The following MTUS2 variants were observed in gnomAD, a reference collection of about 807,000 sequenced individuals.
The protein encoded by MTUS2 is microtubule associated scaffold protein 2, also known as microtubule-associated tumor suppressor candidate 2.
In MTUS2, 40 loss-of-function variants were observed where a neutral mutation model predicts 114.1. The observed-to-expected ratio is 0.35, with a 90% CI of 0.27 to 0.46. The LOEUF (loss-of-function observed/expected upper bound fraction) is 0.46. MTUS2 is among the 20% of genes least tolerant of loss of function. MTUS2 has a pLI of 1.00. For synonymous variants in MTUS2, 688 were observed against 672.0 expected (o/e 1.02, Z -0.37); for missense variants, 1,679 against 1,705.4 (o/e 0.98, Z 0.27).
chr13:29,406,080 G>T (rs1323983319), intron 8 of MTUS2, among the ~76,000 whole-genome samples: 2 of 152,084 alleles, frequency 1.3e-5, no homozygotes, highest in South Asian at 2.1e-4. Flanking sequence ...TGCCATATTT[G>T]CTTTAGATAT....
At chr13:29,132,182 A>G (rs1048843346) in intron 5 of MTUS2, among the ~76,000 whole-genome samples, 7 of 152,176 alleles carry the variant, frequency 4.6e-5, no homozygotes, top group Admixed American at 3.3e-4. Flanking sequence ...TTCTTTTTTT[A>G]TGGGATAAAG....
chr13:28,955,302 A>T (rs943870655), intron 2 of MTUS2, among the ~76,000 whole-genome samples: 4 of 152,258 alleles, frequency 2.6e-5, no homozygotes, highest in Non-Finnish European at 4.4e-5. Context: ...ACTTTAAAGA[A>T]TAAAATATAA....
chr13:29,483,348 G>T (rs930264162), intron 10 of MTUS2, among the ~76,000 whole-genome samples: 1 of 152,212 alleles, frequency 6.6e-6, no homozygotes, highest in African/African-American at 2.4e-5. Context: ...CAGCACCTCC[G>T]TCGTGACAAA....
intron 4 of MTUS2, among the ~76,000 whole-genome samples, chr13:29,068,021 A>G (rs1251586491): frequency 2.0e-5 from 3 of 152,204 alleles, no homozygotes; most frequent in Admixed American, 6.6e-5. Flanking sequence ...TTACAACTAT[A>G]CTTTCTACCA....
At chr13:28,865,182 G>A (rs1381490307) in intron 2 of MTUS2, among the ~76,000 whole-genome samples, 1 of 152,128 alleles carries the variant, frequency 6.6e-6, no homozygotes, top group African/African-American at 2.4e-5. Context: ...TGACATGTAT[G>A]GCTCCTACGA....
At chr13:29,183,253 TGAGAGAGA>T (rs60832110) in intron 5 of MTUS2, among the ~76,000 whole-genome samples, 4 of 147,256 alleles carry the variant, frequency 2.7e-5, no homozygotes, top group Non-Finnish European at 6.0e-5. Flanking sequence ...GATGTTGGGG[TGAGAGAGA>T]GAGAGAGAGA....
chr13:29,350,357 C>G (rs950445000), intron 7 of MTUS2, among the ~76,000 whole-genome samples: 3 of 150,428 alleles, frequency 2.0e-5, no homozygotes, highest in African/African-American at 7.4e-5. Context: ...TCCTTGTTTC[C>G]TTGCTGGTTA....
intron 5 of MTUS2, among the ~76,000 whole-genome samples, chr13:29,222,261 G>C (rs1895938888): frequency 6.6e-6 from 1 of 151,600 alleles, no homozygotes; most frequent in Admixed American, 6.6e-5. Flanking sequence ...ATTGTAGTCT[G>C]TCTGTTTATC....
chr13:28,851,900 G>A (rs763917101), intron 2 of MTUS2, among the ~76,000 whole-genome samples: 4 of 152,024 alleles, frequency 2.6e-5, no homozygotes, highest in Non-Finnish European at 5.9e-5. Flanking sequence ...TTCCCTCCTG[G>A]AGTCTACTCT....
At chr13:29,274,523 T>C (rs1416061230) in intron 5 of MTUS2, among the ~76,000 whole-genome samples, 1 of 152,184 alleles carries the variant, frequency 6.6e-6, no homozygotes, top group Non-Finnish European at 1.5e-5. Context: ...TCCCTATCAA[T>C]ACTTTTTATT....
At chr13:29,171,304 G>A (rs190016284) in intron 5 of MTUS2, among the ~76,000 whole-genome samples, 5 of 152,262 alleles carry the variant, frequency 3.3e-5, no homozygotes, top group African/African-American at 7.2e-5. Flanking sequence ...AATATGGAAC[G>A]TTGAGCACAA....
At chr13:29,042,801 G>A (rs748539419) in intron 4 of MTUS2, among the ~76,000 whole-genome samples, 3 of 151,978 alleles carry the variant, frequency 2.0e-5, no homozygotes, top group African/African-American at 4.8e-5. Context: ...TTCTGTGGTA[G>A]CAGTTATAAT....
chr13:29,105,649 G>GT (rs71090225), intron 5 of MTUS2, among the ~76,000 whole-genome samples: 38,513 of 95,030 alleles, frequency 0.41, 5,298 homozygotes, highest in East Asian at 0.6. Context: ...TTTTTCTCCT[G>GT]TTTTTTTCTT....
At chr13:29,388,923 G>A (rs976756747) in intron 8 of MTUS2, among the ~76,000 whole-genome samples, 17 of 151,818 alleles carry the variant, frequency 1.1e-4, no homozygotes, top group Admixed American at 5.2e-4. Flanking sequence ...CTCATTGTAC[G>A]TATATAGCTT....
chr13:28,878,220 T>TATAA (rs57490224), intron 2 of MTUS2, among the ~76,000 whole-genome samples: 2 of 146,338 alleles, frequency 1.4e-5, no homozygotes, highest in Non-Finnish European at 3.0e-5. Context: ...TATATATATA[T>TATAA]GTGTGTGTGT....
Position 29,295,615 on chromosome 13 carries a change from A to G in MTUS2, c.2806+13750A>G, listed in dbSNP as rs117731977. On this transcript the variant is annotated intron_variant, in intron 6 of 15. Coordinates refer to ENST00000612955, the MANE Select transcript of MTUS2 (RefSeq NM_001033602.4). ...AAGTAACTGAATGTTGTTCTTTTTT[A>G]TGGCTACATAGTATTCCATTTGTAT... is the stretch of plus-strand genomic sequence containing the variant. Among the ~76,000 whole-genome samples, 624 of 152,284 alleles carry G rather than the reference A, an allele frequency of 4.1e-3. 4 individuals carry two copies. The highest frequency in any genetic ancestry group is 5.8e-3 in the South Asian group (28 of 4,828).
intron 2 of MTUS2, among the ~76,000 whole-genome samples, chr13:29,001,078 C>T (rs1247685866): frequency 6.6e-6 from 1 of 152,212 alleles, no homozygotes. Context: ...TTCCCTCTCA[C>T]AGTCATTATT....
chr13:28,943,534 A>G (rs533695401), intron 2 of MTUS2, among the ~76,000 whole-genome samples: 1 of 152,308 alleles, frequency 6.6e-6, no homozygotes, highest in African/African-American at 2.4e-5. Context: ...CATTTCCATC[A>G]TTGCAGCAAC....
In MTUS2 at chr13:28,839,391, A is replaced by G. The variant is rs1054292096; in HGVS notation, c.-315-387A>G. The stretch of plus-strand genomic sequence containing the variant: ...ACAAAATGGACGTGATTATTCATAT[A>G]TCAGAGGTATTCTTCCCCTGACAAA... On this transcript the variant is annotated intron_variant, in intron 1 of 15. Transcript: ENST00000612955. Among the ~76,000 whole-genome samples the G allele has an allele frequency of 2.0e-5, 3 of 152,194 alleles. No homozygotes were observed. In the East Asian group the frequency reaches 5.8e-4, roughly 29 times the overall value.
Sources: allele counts gnomAD v4.1 joint callset (sites outside exome capture counted in the v4.1 genomes callset), GRCh38; gene constraint gnomAD v4.1.1; transcripts MANE v1.5; gene names NCBI Gene and HGNC (gene_info 2026-07-23, HGNC 2026-07-21).